Variants in TSPAN9 observed in about 807,000 individuals in gnomAD.
TSPAN9 encodes the protein tetraspanin 9.
A neutral mutation model predicts 31.0 loss-of-function variants in TSPAN9; 16 were observed. The ratio of observed to expected loss-of-function variants is 0.52; its 90% CI spans 0.35 to 0.78. TSPAN9 has a LOEUF of 0.78. Ranked by LOEUF, TSPAN9 falls within the 30% of genes least tolerant of loss-of-function variation. The pLI is 0.01. For synonymous variants in TSPAN9, 145 were observed against 121.6 expected, an observed-to-expected ratio of 1.19 and a Z score of -1.27; for missense variants, 272 against 312.5, an observed-to-expected ratio of 0.87 and a Z score of 0.98.
intron 3 of TSPAN9, among the ~76,000 whole-genome samples, chr12:3,249,114 A>G (rs1450226798): frequency 2.0e-5 from 3 of 152,166 alleles, no homozygotes; most frequent in Non-Finnish European, 4.4e-5. Flanking sequence ...TCTGCTTCCC[A>G]GGGCCTTAGC....
chr12:3,241,144 C>A (rs963402992), intron 3 of TSPAN9, among the ~76,000 whole-genome samples: 2 of 152,142 alleles, frequency 1.3e-5, no homozygotes, highest in African/African-American at 2.4e-5. Context: ...TCTAAGAAAA[C>A]AATCAGAAAT....
chr12:3,142,739 C>A (rs892430408), intron 2 of TSPAN9, among the ~76,000 whole-genome samples: 2 of 152,210 alleles, frequency 1.3e-5, no homozygotes, highest in African/African-American at 4.8e-5. Flanking sequence ...TGCATATGTG[C>A]TCTTGCTTTT....
chr12:3,219,786 C>T (rs969013628), intron 3 of TSPAN9, among the ~76,000 whole-genome samples: 6 of 148,338 alleles, frequency 4.0e-5, no homozygotes, highest in Non-Finnish European at 8.9e-5. Context: ...ACCACCATGG[C>T]ACATGTATAC....
intron 3 of TSPAN9, among the ~76,000 whole-genome samples, chr12:3,270,232 A>G (rs370876785): frequency 2.5e-4 from 38 of 152,298 alleles, no homozygotes; most frequent in African/African-American, 8.2e-4. Flanking sequence ...AAGTGGACTT[A>G]AGGCCCGCTG....
At chr12:3,197,341 G>A (rs548711202) in intron 2 of TSPAN9, among the ~76,000 whole-genome samples, 46 of 152,238 alleles carry the variant, frequency 3.0e-4, no homozygotes, top group Middle Eastern at 3.4e-3. Context: ...AAAGGCATTA[G>A]CCATGCCAGT....
At chr12:3,156,547 G>C (rs936625910) in intron 2 of TSPAN9, among the ~76,000 whole-genome samples, 29 of 151,858 alleles carry the variant, frequency 1.9e-4, no homozygotes, top group African/African-American at 6.3e-4. Context: ...TGTCACCCAG[G>C]CTGGAGTGCA....
chr12:3,195,156 G>A (rs1184223648), intron 2 of TSPAN9, among the ~76,000 whole-genome samples: 1 of 152,206 alleles, frequency 6.6e-6, no homozygotes, highest in African/African-American at 2.4e-5. Context: ...TGTACCTTGT[G>A]TCAAATGTGG....
At chr12:3,101,412 G>A (rs2098311791) in intron 2 of TSPAN9, among the ~76,000 whole-genome samples, 1 of 152,126 alleles carries the variant, frequency 6.6e-6, no homozygotes, top group South Asian at 2.1e-4. Flanking sequence ...GTTTGGAGTT[G>A]TAAAGTTAAC....
intron 2 of TSPAN9, among the ~76,000 whole-genome samples, chr12:3,178,143 T>A (rs2098356854): frequency 6.6e-6 from 1 of 152,212 alleles, no homozygotes; most frequent in African/African-American, 2.4e-5. Flanking sequence ...TATCTTTTTT[T>A]ATGAACTTTC....
intron 2 of TSPAN9, among the ~76,000 whole-genome samples, chr12:3,125,333 G>A (rs999521749): frequency 1.3e-5 from 2 of 152,136 alleles, no homozygotes; most frequent in African/African-American, 2.4e-5. Context: ...GCTCAGCACA[G>A]CACCTTTCAT....
intron 3 of TSPAN9, among the ~76,000 whole-genome samples, chr12:3,277,765 G>C (rs1862816381): frequency 6.6e-6 from 1 of 152,198 alleles, no homozygotes; most frequent in Admixed American, 6.5e-5. Context: ...CATGCCAGAG[G>C]CCAGCTTATT....
intron 2 of TSPAN9, among the ~76,000 whole-genome samples, chr12:3,111,216 C>G (rs1433504212): frequency 6.6e-6 from 1 of 152,162 alleles, no homozygotes; most frequent in African/African-American, 2.4e-5. Context: ...AATTCTTGTA[C>G]CACTTCAGAA....
intron 1 of TSPAN9, among the ~76,000 whole-genome samples, chr12:3,077,989 T>A (rs2098295949): frequency 6.6e-6 from 1 of 152,142 alleles, no homozygotes; most frequent in Non-Finnish European, 1.5e-5. Flanking sequence ...GCATTCAAGT[T>A]TGGGACTTCA....
At chr12:3,082,716 G>T (rs756310722) in intron 1 of TSPAN9, among the ~76,000 whole-genome samples, 10 of 152,144 alleles carry the variant, frequency 6.6e-5, no homozygotes, top group Non-Finnish European at 1.3e-4. Context: ...ATTGGATGGG[G>T]AGGTGAGGAA....
At chr12:3,269,810 C>G (rs536413065) in intron 3 of TSPAN9, among the ~76,000 whole-genome samples, 38 of 152,350 alleles carry the variant, frequency 2.5e-4, no homozygotes, top group South Asian at 1.7e-3. Flanking sequence ...CACCCCCTCT[C>G]GTGGCTGCAC....
At chr12:3,226,774 ATATATATATATATATATATATT>A (rs1565622579) in intron 3 of TSPAN9, among the ~76,000 whole-genome samples, 30 of 1,758 alleles carry the variant, frequency 0.017, 2 homozygotes, top group South Asian at 0.062. Flanking sequence ...ATATATATAT[ATATATATATATATATATATATT>A]TTTTTTTTTT....
intron 2 of TSPAN9, among the ~76,000 whole-genome samples, chr12:3,127,334 G>A (rs2098327776): frequency 6.6e-6 from 1 of 152,006 alleles, no homozygotes; most frequent in Admixed American, 6.6e-5. Flanking sequence ...CCTGCTTGAG[G>A]CCGTTTTACT....
At chr12:3,128,991 G>A (rs1158045475) in intron 2 of TSPAN9, among the ~76,000 whole-genome samples, 1 of 152,080 alleles carries the variant, frequency 6.6e-6, no homozygotes, top group Non-Finnish European at 1.5e-5. Context: ...ATTATTCCAG[G>A]TACCTCATGT....
chr12:3,137,951 C>T (rs1487404384), intron 2 of TSPAN9, among the ~76,000 whole-genome samples: 2 of 152,194 alleles, frequency 1.3e-5, no homozygotes, highest in African/African-American at 4.8e-5. Context: ...CTGCTGCTGG[C>T]TTTGAGCCTC....
Sources: gnomAD v4.1 joint callset for allele counts (sites outside exome capture counted in the v4.1 genomes callset) on GRCh38, gnomAD v4.1.1 for gene constraint, MANE v1.5 for transcripts, NCBI Gene and HGNC (gene_info 2026-07-23, HGNC 2026-07-21) for gene names.